BSN: variants seen among roughly 807,000 people sequenced by gnomAD.
BSN encodes protein bassoon.
In BSN, 57 loss-of-function variants were observed where a neutral mutation model predicts 264.8. The observed-to-expected ratio is 0.22, with a 90% CI of 0.17 to 0.27. BSN has a LOEUF of 0.27. BSN is among the 10% of genes least tolerant of loss of function. BSN has a pLI of 1.00. For synonymous variants in BSN, 2,059 were observed against 2,137.3 expected, an observed-to-expected ratio of 0.96 and a Z score of 1.01; for missense variants, 4,615 against 5,232.5, an observed-to-expected ratio of 0.88 and a Z score of 3.64.
At chr3:49,572,575 C>G (rs1460161661) in intron 1 of BSN, among the ~76,000 whole-genome samples, 1 of 152,178 alleles carries the variant, frequency 6.6e-6, no homozygotes, top group Non-Finnish European at 1.5e-5. Context: ...GCTCTGTCGC[C>G]CAGGCTGGAG....
rs999235081 is a variant in BSN, at chr3:49,625,949, T to G, written c.633+566T>G. ...CTGAGGTGGTGGGGCAGCTACCCCA[T>G]CCCTAAAGAAATGACCTTGGGGTAA... On this transcript the variant is annotated intron_variant, in intron 2 of 11. Transcript: ENST00000296452. The surrounding 1 kb of genome is among the most constrained non-coding windows in gnomAD (Gnocchi z 4.4). Among the ~76,000 whole-genome samples the G allele has an allele frequency of 6.6e-6, 1 of 152,150 alleles. No individual in the cohort carries two copies. Among genetic ancestry groups the G allele is most frequent in the Non-Finnish European group, 1.5e-5 (1 of 68,008 alleles).
intron 1 of BSN, among the ~76,000 whole-genome samples, chr3:49,579,943 A>G (rs1463091825): frequency 2.0e-5 from 3 of 152,166 alleles, no homozygotes; most frequent in Non-Finnish European, 4.4e-5. Flanking sequence ...ATGTCTGAGA[A>G]AAATTCATTT....
chr3:49,645,001 A>G (rs1190163438), intron 3 of BSN, among the ~76,000 whole-genome samples: 4 of 152,090 alleles, frequency 2.6e-5, no homozygotes, highest in Admixed American at 2.6e-4. Flanking sequence ...GGTTCTGGCT[A>G]TCCTGGACCC....
intron 1 of BSN, among the ~76,000 whole-genome samples, chr3:49,612,527 A>C (rs2052216511): frequency 6.6e-6 from 1 of 152,198 alleles, no homozygotes; most frequent in African/African-American, 2.4e-5. Context: ...GCCAAAACAA[A>C]TTATGATCTA....
chr3:49,604,627 G>A (rs1241147764), intron 1 of BSN, among the ~76,000 whole-genome samples: 5 of 152,054 alleles, frequency 3.3e-5, no homozygotes, highest in Non-Finnish European at 7.4e-5. Flanking sequence ...AGTGGACATG[G>A]TTGCTTTCAC....
At position 49,662,267 on chromosome 3, in the gene BSN, G is replaced by A. The variant is rs752276273; in HGVS notation, c.10422G>A (p.Glu3474=). The A allele has an allele frequency of 5.6e-6, 9 of 1,613,834 alleles. No individual in the cohort carries two copies. Among genetic ancestry groups the A allele is most frequent in the African/African-American group, 5.3e-5 (4 of 74,940 alleles). Residue 3474 remains glutamate, a synonymous_variant, in exon 6 of 12, where the codon GAG becomes GAA. Coordinates refer to ENST00000296452, the MANE Select transcript of BSN (RefSeq NM_003458.4). ...ACGAAAGGGAACGGGAGGCTGTGGA[G>A]CGACTTCAAAAAGCGGGCCCCAAGC... ...KGYEREREAV[E]RLQKAGPKPS...
intron 1 of BSN, among the ~76,000 whole-genome samples, chr3:49,605,901 T>TATATATATAG (rs2052132428): frequency 1.9e-4 from 1 of 5,294 alleles, no homozygotes; most frequent in African/African-American, 4.7e-4. Context: ...TATTTATGTC[T>TATATATATAG]ATATAAATAG....
In BSN at chr3:49,656,306, G is replaced by A; in HGVS notation, c.6750G>A (p.Arg2250=). ...SLTRVPMIAP[R]VPLGPTGLYR... is the part of the protein sequence containing the mutation. ...CACGTGTGCCCATGATTGCCCCCCG[G>A]GTACCTCTTGGACCCACAGGGCTGT... Residue 2250 remains arginine (R), a synonymous_variant, in exon 5 of 12, where the codon CGG becomes CGA. Coordinates refer to ENST00000296452, the MANE Select transcript of BSN (RefSeq NM_003458.4). The A allele has an allele frequency of 6.2e-7, 1 of 1,613,138 alleles. No homozygotes were observed. Among genetic ancestry groups the A allele is most frequent in the Non-Finnish European group, 8.5e-7 (1 of 1,179,924 alleles).
chr3:49,573,200 A>G (rs976739370), intron 1 of BSN, among the ~76,000 whole-genome samples: 1 of 152,224 alleles, frequency 6.6e-6, no homozygotes, highest in Non-Finnish European at 1.5e-5. Flanking sequence ...CAGTGATGCC[A>G]GGTGAAGACA....
At position 49,654,414 on chromosome 3, in the gene BSN, A is replaced by G; in HGVS notation, c.4858A>G (p.Ser1620Gly). 1 of 1,600,420 alleles carries G rather than the reference A, an allele frequency of 6.2e-7. No individual in the cohort carries two copies. The highest frequency in any genetic ancestry group is 8.5e-7 in the Non-Finnish European group (1 of 1,174,178). The change falls in exon 5 of 12, where the codon AGT (serine) becomes GGT (glycine). Residue 1620 changes from serine to glycine, a missense_variant. This residue lies in a region of BSN where 3,415 missense variants were observed against 3,866.4 expected (regional missense o/e 0.88). Coordinates refer to ENST00000296452, the MANE Select transcript of BSN (RefSeq NM_003458.4). The surrounding 1 kb of genome is among the most constrained non-coding windows in gnomAD (Gnocchi z 4.1). Reference protein sequence around the residue: ...PGPPGFPRVPSAGADGPLALY... With the variant: ...PGPPGFPRVPGAGADGPLALY... ...GCCACCTGGCTTTCCACGGGTGCCC[A>G]GTGCTGGTGCAGATGGGCCCCTGGC...
intron 1 of BSN, among the ~76,000 whole-genome samples, chr3:49,578,494 G>A (rs1253568205): frequency 6.6e-5 from 10 of 151,382 alleles, no homozygotes; most frequent in South Asian, 2.1e-4. Context: ...TGCAAGTTCC[G>A]CCTCCTGGGT....
intron 1 of BSN, among the ~76,000 whole-genome samples, chr3:49,594,937 C>T (rs928569779): frequency 6.7e-6 from 1 of 149,094 alleles, no homozygotes; most frequent in Admixed American, 6.8e-5. Context: ...TGTCACCAGG[C>T]TGGAGTGCAG....
chr3:49,582,912 CTTCCCTTCA>C (rs1308661744), intron 1 of BSN, among the ~76,000 whole-genome samples: 1 of 151,644 alleles, frequency 6.6e-6, no homozygotes, highest in Non-Finnish European at 1.5e-5. Context: ...CATATAGTTT[CTTCCCTTCA>C]TTCCCTTCAT....
chr3:49,673,082 CGGGA>C (rs1171784734), downstream of BSN, among the ~76,000 whole-genome samples: 1 of 11,984 alleles, frequency 8.3e-5, no homozygotes, highest in Non-Finnish European at 2.4e-4. Flanking sequence ...CCCGGCCGGC[CGGGA>C]CTTTTTTTTT....
chr3:49,554,542 G>T lies in BSN; in HGVS notation c.-61G>T. 1.5e-6 allele frequency: 1 copy of T among 652,576 alleles called. No homozygotes were observed. The highest frequency in any genetic ancestry group is 6.4e-5 in the South Asian group (1 of 15,610). 40.4% of individuals were successfully genotyped at this position (652,576 alleles called of 1,614,324 possible). On this transcript the variant is annotated 5_prime_UTR_variant, in exon 1 of 12. Transcript: ENST00000296452. ...CGGCGGCGCCGAGAGTGTGAGCACC[G>T]CCCGGGAGCCGCCGGCCCGGGCGCA...
In BSN at chr3:49,554,588, G is replaced by T. The variant is rs990830865; in HGVS notation, c.-15G>T. 1.2e-6 allele frequency: 1 copy of T among 845,394 alleles called. No homozygotes were observed. Among genetic ancestry groups the T allele is most frequent in the Non-Finnish European group, 1.4e-6 (1 of 703,898 alleles). 52.4% of individuals were successfully genotyped at this position (845,394 alleles called of 1,614,324 possible). On this transcript the variant is annotated 5_prime_UTR_variant, in exon 1 of 12. Transcript: ENST00000296452. ...GCGCAGCGCGACCCCGACCCCGCCC[G>T]CCCGCCTGCCCGCCATGGGCAACGA... is the stretch of plus-strand genomic sequence containing the variant.
intron 1 of BSN, among the ~76,000 whole-genome samples, chr3:49,600,376 G>A (rs2052064424): frequency 6.6e-6 from 1 of 152,190 alleles, no homozygotes; most frequent in African/African-American, 2.4e-5. Context: ...GGAAAGGAAG[G>A]CTGGACTAAG....
intron 2 of BSN, among the ~76,000 whole-genome samples, chr3:49,640,077 GA>G (rs1431801166): frequency 6.6e-6 from 1 of 152,238 alleles, no homozygotes; most frequent in East Asian, 1.9e-4. Flanking sequence ...TTCTGCCCCA[GA>G]GATGAGACGG....
intron 1 of BSN, among the ~76,000 whole-genome samples, chr3:49,595,223 G>T: frequency 1.7e-5 from 2 of 118,218 alleles, no homozygotes. Context: ...ATGGAGTTTT[G>T]CTCTTGTTGC....
Sources: allele counts gnomAD v4.1 joint callset (sites outside exome capture counted in the v4.1 genomes callset), GRCh38; gene constraint gnomAD v4.1.1; regional missense constraint gnomAD v4.1.1; non-coding constraint Gnocchi (gnomAD v3.1); transcripts MANE v1.5; gene names NCBI Gene and HGNC (gene_info 2026-07-23, HGNC 2026-07-21).